ADAMTS6: variants seen among roughly 807,000 people sequenced by gnomAD.
The protein encoded by ADAMTS6 is ADAM metallopeptidase with thrombospondin type 1 motif 6.
Under a neutral mutation model 144.3 loss-of-function variants are expected in ADAMTS6, and 23 were observed. That is an observed-to-expected ratio of 0.16 (90% CI 0.11 to 0.23). The LOEUF (loss-of-function observed/expected upper bound fraction) is 0.23, where lower values mean the gene tolerates loss of function less well. Among genes scored for constraint, ADAMTS6 ranks in the 10% least tolerant of loss-of-function variants. The pLI is 1.00. For missense variants in ADAMTS6, 999 were observed against 1,379.6 expected (o/e 0.72, Z 4.37); for synonymous variants, 444 against 457.5 (o/e 0.97, Z 0.38).
chr5:65,367,742 G>A (rs1157836798), intron 7 of ADAMTS6, among the ~76,000 whole-genome samples: 1 of 151,960 alleles, frequency 6.6e-6, no homozygotes, highest in Non-Finnish European at 1.5e-5. Flanking sequence ...TTTCCCTACA[G>A]GTGTAAATCC....
In ADAMTS6 at chr5:65,481,402, C is replaced by A. The variant is rs1269193236; in HGVS notation, c.-339G>T. The A allele has an allele frequency of 6.6e-6, 1 of 151,564 alleles. No individual in the cohort carries two copies. The highest frequency in any genetic ancestry group is 1.5e-5 in the Non-Finnish European group (1 of 67,948). 9.4% of individuals were successfully genotyped at this position (151,564 alleles called of 1,614,324 possible). A position where few individuals can be genotyped will look rare whatever the true frequency, so the allele number is the denominator to read the frequency against. Reference sequence around the variant, plus strand: ...TTCAGACAATAGAGATTGCACTGGACGACTCACGTACTCCCTCTCCTCTCT... The same window carrying A: ...TTCAGACAATAGAGATTGCACTGGAAGACTCACGTACTCCCTCTCCTCTCT... On this transcript the variant is annotated 5_prime_UTR_variant, in exon 1 of 25. Transcript: ENST00000381055.
At chr5:65,163,577 T>G (rs1429261311) in intron 24 of ADAMTS6, among the ~76,000 whole-genome samples, 1 of 152,236 alleles carries the variant, frequency 6.6e-6, no homozygotes, top group Non-Finnish European at 1.5e-5. Context: ...GAGTATTATT[T>G]TTAAGAATCC....
intron 5 of ADAMTS6, 43 bp from the exon 6 acceptor site, chr5:65,452,259 A>C (rs1758804747): frequency 6.4e-7 from 1 of 1,567,658 alleles, no homozygotes. Context: ...TCAGACAAAA[A>C]TTATAGGGTG....
At chr5:65,476,109 T>C (rs1370360031) in intron 1 of ADAMTS6, among the ~76,000 whole-genome samples, 2 of 152,230 alleles carry the variant, frequency 1.3e-5, no homozygotes, top group African/African-American at 2.4e-5. Flanking sequence ...CAAGCTGTCA[T>C]TTGTTGAGGC....
At chr5:65,178,629 T>C (rs1738553573) in intron 22 of ADAMTS6, among the ~76,000 whole-genome samples, 1 of 152,136 alleles carries the variant, frequency 6.6e-6, no homozygotes, top group African/African-American at 2.4e-5. Flanking sequence ...AACAACTAGA[T>C]GGGGTTTCCA....
intron 24 of ADAMTS6, among the ~76,000 whole-genome samples, chr5:65,163,859 C>G (rs565323457): frequency 6.6e-6 from 1 of 152,176 alleles, no homozygotes; most frequent in African/African-American, 2.4e-5. Flanking sequence ...CATAGTGACT[C>G]GCACGTAGTA....
At chr5:65,380,664 T>C (rs1751968398) in intron 7 of ADAMTS6, among the ~76,000 whole-genome samples, 1 of 152,328 alleles carries the variant, frequency 6.6e-6, no homozygotes, top group African/African-American at 2.4e-5. Flanking sequence ...TATTTTTGCA[T>C]TTCTTTGTTT....
intron 11 of ADAMTS6, among the ~76,000 whole-genome samples, chr5:65,288,879 G>A (rs1742008959): frequency 6.6e-6 from 1 of 152,140 alleles, no homozygotes; most frequent in South Asian, 2.1e-4. Flanking sequence ...GACCTTTGAA[G>A]CCACTATTGT....
chr5:65,170,505 A>C lies in ADAMTS6; in HGVS notation c.3244+112T>G, dbSNP rs185207019. 2.0e-4 allele frequency: 245 copies of C among 1,227,582 alleles called. 2 individuals are homozygous for C. In the East Asian group the frequency reaches 4.4e-3, roughly 22 times the overall value. 76.0% of individuals were successfully genotyped at this position (1,227,582 alleles called of 1,614,324 possible). On this transcript the variant is annotated intron_variant, in intron 24 of 24. Transcript: ENST00000381055. ...GTCTGCATATAAGCAGCTTTCACAA[A>C]TGCTCTACTCAAACTACACTACAGT...
intron 18 of ADAMTS6, among the ~76,000 whole-genome samples, chr5:65,221,405 T>G (rs1349822280): frequency 6.6e-5 from 10 of 152,182 alleles, no homozygotes; most frequent in Admixed American, 6.5e-4. Context: ...CACCTAATCA[T>G]GTCAATAGAT....
intron 7 of ADAMTS6, among the ~76,000 whole-genome samples, chr5:65,374,123 C>T (rs1751267240): frequency 6.6e-6 from 1 of 152,058 alleles, no homozygotes. Flanking sequence ...ATAATAAGAG[C>T]TATCTATGAC....
At chr5:65,382,712 G>A (rs1752146058) in intron 7 of ADAMTS6, among the ~76,000 whole-genome samples, 1 of 152,142 alleles carries the variant, frequency 6.6e-6, no homozygotes, top group Non-Finnish European at 1.5e-5. Context: ...GCCCTTCACA[G>A]GTGATGCCTC....
chr5:65,309,156 A>AT (rs1443256515), intron 9 of ADAMTS6, among the ~76,000 whole-genome samples: 1 of 152,100 alleles, frequency 6.6e-6, no homozygotes, highest in African/African-American at 2.4e-5. Flanking sequence ...ATTGAAGCAC[A>AT]TTGCATTTAT....
At chr5:65,448,322 G>A (rs534531312) in intron 7 of ADAMTS6, among the ~76,000 whole-genome samples, 6 of 152,086 alleles carry the variant, frequency 3.9e-5, no homozygotes, top group South Asian at 4.2e-4. Flanking sequence ...TGTAAAAGAC[G>A]GGATAACATT....
intron 14 of ADAMTS6, among the ~76,000 whole-genome samples, chr5:65,242,522 T>G (rs1020830295): frequency 1.3e-5 from 2 of 152,098 alleles, no homozygotes; most frequent in Non-Finnish European, 2.9e-5. Context: ...AAAACCTAGA[T>G]GAAGAAATTA....
chr5:65,317,000 A>G (rs2112864982), intron 9 of ADAMTS6, among the ~76,000 whole-genome samples: 1 of 152,196 alleles, frequency 6.6e-6, no homozygotes, highest in East Asian at 1.9e-4. Context: ...ATGGGGTTTC[A>G]CCATGTTGGC....
chr5:65,270,234 C>A (rs1330099510), intron 12 of ADAMTS6, among the ~76,000 whole-genome samples: 1 of 152,150 alleles, frequency 6.6e-6, no homozygotes, highest in Non-Finnish European at 1.5e-5. Flanking sequence ...GTCAATAGCT[C>A]TTTGCAGGGC....
At chr5:65,320,552 C>A in intron 9 of ADAMTS6, among the ~76,000 whole-genome samples, 1 of 151,024 alleles carries the variant, frequency 6.6e-6, no homozygotes, top group African/African-American at 2.4e-5. Flanking sequence ...TTTATTTTCT[C>A]TCTTTTTTTT....
chr5:65,479,781 C>A (rs568596551), intron 1 of ADAMTS6, among the ~76,000 whole-genome samples: 8 of 152,222 alleles, frequency 5.3e-5, no homozygotes, highest in Non-Finnish European at 1.0e-4. Flanking sequence ...GGTATTGGGA[C>A]CAGACATAAG....
Sources: allele counts gnomAD v4.1 joint callset (sites outside exome capture counted in the v4.1 genomes callset), GRCh38; gene constraint gnomAD v4.1.1; transcripts MANE v1.5; gene names NCBI Gene and HGNC (gene_info 2026-07-23, HGNC 2026-07-21).